The following CEP170B variants were observed in gnomAD, a reference collection of about 807,000 sequenced individuals.
The protein encoded by CEP170B is centrosomal protein of 170 kDa protein B.
CEP170B carries 55 observed loss-of-function variants against 120.6 expected under a neutral mutation model. The ratio of observed to expected loss-of-function variants is 0.46; its 90% confidence interval spans 0.37 to 0.57. The LOEUF is 0.57. Ranked by LOEUF, CEP170B falls within the 20% of genes least tolerant of loss-of-function variation. The pLI is 0.00. For missense variants in CEP170B, 2,212 were observed against 2,253.3 expected, an observed-to-expected ratio of 0.98 and a Z score of 0.37; for synonymous variants, 1,033 against 954.5, an observed-to-expected ratio of 1.08 and a Z score of -1.52.
At position 104,887,050 on chromosome 14, in the gene CEP170B, T is replaced by TGAGGGGGGCAGCACCCCGAGGCCGCCG. The variant is rs1896560297; in HGVS notation, c.2816_2842dup (p.Gly939_Glu947dup). Reference sequence around the variant, plus strand: ...TCTCTAATTCTGTGGATGCCGAGTGTGAGGGGGGCAGCACCCCGAGGCCGC... The same window carrying TGAGGGGGGCAGCACCCCGAGGCCGCCG: ...TCTCTAATTCTGTGGATGCCGAGTGTGAGGGGGGCAGCACCCCGAGGCCGCCGGAGGGGGGCAGCACCCCGAGGCCGC... On this transcript the variant is annotated inframe_insertion, in exon 12 of 19. Coordinates refer to ENST00000414716, the MANE Select transcript of CEP170B (RefSeq NM_001112726.3). 4 of 1,611,270 alleles carry TGAGGGGGGCAGCACCCCGAGGCCGCCG rather than the reference T, an allele frequency of 2.5e-6. No individual in the cohort carries two copies. The African/African-American group carries it at 5.3e-5, about 22-fold the overall frequency.
chr14:104,873,603 G>C (rs572614198), intron 2 of CEP170B, among the ~76,000 whole-genome samples: 2 of 152,058 alleles, frequency 1.3e-5, no homozygotes, highest in Non-Finnish European at 2.9e-5. Flanking sequence ...GGACCTGGAA[G>C]GTGTGCAGAG....
chr14:104,892,019 G>A (rs987358793), intron 13 of CEP170B, among the ~76,000 whole-genome samples: 6 of 152,160 alleles, frequency 3.9e-5, no homozygotes, highest in South Asian at 2.1e-4. Flanking sequence ...TGCCGCTGGA[G>A]GTAGGGGTAG....
rs1044321517 is a variant in CEP170B, at chr14:104,867,116, T to A, written c.-27-1308T>A. Among the ~76,000 whole-genome samples, 2 of 152,206 alleles carry A rather than the reference T, an allele frequency of 1.3e-5. No homozygotes were observed. The highest frequency in any genetic ancestry group is 4.8e-5 in the African/African-American group (2 of 41,446). ...ATAAGGGTACCGCGTTTTCTTTTTGTGCTGGGCCCTGCAGTGATGGAGCCA... is the reference window on the plus strand; with the variant it reads ...ATAAGGGTACCGCGTTTTCTTTTTGAGCTGGGCCCTGCAGTGATGGAGCCA... On this transcript the variant is annotated intron_variant, in intron 1 of 18. Transcript: ENST00000414716. The surrounding 1 kb of genome is among the most constrained non-coding windows in gnomAD (Gnocchi z 5.4).
At chr14:104,890,421 A>ATGGATGG (rs1369235119) in intron 13 of CEP170B, among the ~76,000 whole-genome samples, 10 of 57,848 alleles carry the variant, frequency 1.7e-4, no homozygotes, top group African/African-American at 9.0e-4. Context: ...TGGATGGATG[A>ATGGATGG]ATGGATGAGT....
chr14:104,888,673 G>T (rs1181032541), intron 12 of CEP170B, among the ~76,000 whole-genome samples: 2 of 152,266 alleles, frequency 1.3e-5, no homozygotes, highest in Non-Finnish European at 2.9e-5. Context: ...CGAGTGGATT[G>T]GTTTGAGGTC....
intron 13 of CEP170B, 25 bp from the exon 14 acceptor site, chr14:104,892,951 C>G (rs776146233): frequency 1.9e-6 from 3 of 1,552,604 alleles, no homozygotes; most frequent in Admixed American, 3.9e-5. Context: ...TGTGCAGAAC[C>G]TGCCGTCTTT....
chr14:104,892,143 C>G (rs1896879461), intron 13 of CEP170B, among the ~76,000 whole-genome samples: 1 of 152,040 alleles, frequency 6.6e-6, no homozygotes, highest in Non-Finnish European at 1.5e-5. Context: ...GACAGGGAGC[C>G]TAGGTCCCCA....
chr14:104,865,120 A>G (rs8008126), upstream of CEP170B, among the ~76,000 whole-genome samples: 85,863 of 147,672 alleles, frequency 0.58, 25,637 homozygotes, highest in Middle Eastern at 0.8. The surrounding 1 kb of genome is among the most constrained non-coding windows in gnomAD (Gnocchi z 6.7). Flanking sequence ...GCGCGGGGCT[A>G]CCGGGGCGGG....
Position 104,894,842 on chromosome 14 carries a change from G to A in CEP170B, c.4549G>A (p.Ala1517Thr), listed in dbSNP as rs1199581717. The change falls in exon 19 of 19, where the codon GCC becomes ACC. Residue 1517 changes from alanine (A) to threonine (T), a missense_variant. Physicochemically the swap from Ala to Thr is moderately conservative, Grantham distance 58 (BLOSUM62 0). Around this residue, in one of 2 missense-constraint regions of CEP170B, gnomAD observed 2,166 missense variants for 2,166.7 expected, o/e 1.00. Transcript: ENST00000414716. ...AAQSPPSPAS[A>T]EALLPALPLR... Reference sequence around the variant, plus strand: ...CCAGAGCCCACCCTCACCCGCCTCAGCCGAGGCCCTGCTGCCAGCCCTGCC... The same window carrying A: ...CCAGAGCCCACCCTCACCCGCCTCAACCGAGGCCCTGCTGCCAGCCCTGCC... The A allele has an allele frequency of 2.5e-6, 4 of 1,609,830 alleles. No individual in the cohort carries two copies. The South Asian group carries it at 3.3e-5, about 13-fold the overall frequency.
rs9788592 is a variant in CEP170B at position 104,884,143 on chromosome 14, G to A, written c.1364G>A (p.Gly455Glu). Residue 455 changes from glycine to glutamate, a missense_variant, in exon 9 of 19, where the codon GGG (glycine) becomes GAG (glutamate). Physicochemically the swap from Gly to Glu is moderately conservative, Grantham distance 98 (BLOSUM62 -2). This residue lies in a region of CEP170B where 2,166 missense variants were observed against 2,166.7 expected (regional missense o/e 1.00). Coordinates refer to ENST00000414716, the MANE Select transcript of CEP170B (RefSeq NM_001112726.3). ...AGTGTCCCAGCCCCAGTCCAGGCAG[G>A]GGGCCGCAGCTCGGGGCCACAGAGG... ...RPSVPAPVQA[G>E]GRSSGPQRAG... is the part of the protein sequence containing the mutation. 3.8e-5 allele frequency: 60 copies of A among 1,558,780 alleles called. No homozygotes were observed. The East Asian group carries it at 1.3e-3, about 35-fold the overall frequency.
At position 104,891,048 on chromosome 14, in the gene CEP170B, T is replaced by G. The variant is rs1342746149; in HGVS notation, c.3878+1290T>G. Among the ~76,000 whole-genome samples, 1 of 128,120 alleles carries G rather than the reference T, an allele frequency of 7.8e-6. No homozygotes were observed. The highest frequency in any genetic ancestry group is 7.9e-5 in the Admixed American group (1 of 12,670). The allele number at this position is 128,120 out of a possible 152,430, so 84.1% of individuals were successfully genotyped here. A position where few individuals can be genotyped will look rare whatever the true frequency, so the allele number is the denominator to read the frequency against. ...GTGGATGGATGGATGGATGGATGGATGAGTGGGTGGGTGGATGGATGGATG... is the reference window on the plus strand; with the variant it reads ...GTGGATGGATGGATGGATGGATGGAGGAGTGGGTGGGTGGATGGATGGATG... On this transcript the variant is annotated intron_variant, in intron 13 of 18. Transcript: ENST00000414716. This position sits in a 1 kb window ranked among gnomAD's most constrained non-coding sequence, Gnocchi z 4.3.
Position 104,895,098 on chromosome 14 carries a change from A to C in CEP170B, c.*140A>C. 3.1e-6 allele frequency: 3 copies of C among 965,586 alleles called. No homozygotes were observed. The highest frequency in any genetic ancestry group is 4.4e-6 in the Non-Finnish European group (3 of 679,908). 59.8% of individuals were successfully genotyped at this position (965,586 alleles called of 1,614,324 possible). ...ATATCCCTGTGGGCGGGTGCCTCCC[A>C]CGCCCTTGCCCCCTCGTCAGCTCCC... On this transcript the variant is annotated 3_prime_UTR_variant, in exon 19 of 19. Coordinates refer to ENST00000414716, the MANE Select transcript of CEP170B (RefSeq NM_001112726.3).
In CEP170B at chr14:104,894,270, C is replaced by T; in HGVS notation, c.4272-15C>T. ...TCCTTGTCCCCCCATTTCTGCCTCC[C>T]CCTACCTCGGACAGGATCCTCTTTC... On this transcript the variant is annotated splice_polypyrimidine_tract_variant and intron_variant, in intron 16 of 18. Transcript: ENST00000414716. The T allele has an allele frequency of 3.7e-6, 6 of 1,600,752 alleles. No individual in the cohort carries two copies. The highest frequency in any genetic ancestry group is 3.3e-5 in the South Asian group (3 of 90,846).
chr14:104,874,526 C>T (rs1329040612), intron 2 of CEP170B, among the ~76,000 whole-genome samples: 4 of 152,110 alleles, frequency 2.6e-5, no homozygotes, highest in Non-Finnish European at 5.9e-5. Context: ...TGTGTCTGGG[C>T]AGGCAGCTCA....
rs750026989 is a variant in CEP170B, at chr14:104,887,440, C to G, written c.3201C>G (p.Thr1067=). ...SSDVMASNHE[T]PEATGAGRLG... ...ATGTGATGGCCTCCAACCACGAAACCCCTGAGGCCACCGGGGCAGGACGGC... is the reference window on the plus strand; with the variant it reads ...ATGTGATGGCCTCCAACCACGAAACGCCTGAGGCCACCGGGGCAGGACGGC... The change falls in exon 12 of 19, where the codon ACC becomes ACG. Residue 1067 remains threonine, a synonymous_variant. Transcript: ENST00000414716. 34 of 1,611,438 alleles carry G rather than the reference C, an allele frequency of 2.1e-5. No individual in the cohort carries two copies. Among genetic ancestry groups the G allele is most frequent in the Non-Finnish European group, 2.9e-5 (34 of 1,179,362 alleles).
intron 2 of CEP170B, among the ~76,000 whole-genome samples, chr14:104,871,002 C>T (rs1895452408): frequency 6.6e-6 from 1 of 152,068 alleles, no homozygotes; most frequent in Non-Finnish European, 1.5e-5. Flanking sequence ...CTTCTCACCC[C>T]CACCCTACAG....
intron 9 of CEP170B, 93 bp downstream of exon 9, chr14:104,884,642 G>C (rs1371447470): frequency 6.7e-6 from 8 of 1,187,734 alleles, no homozygotes; most frequent in East Asian, 2.7e-5. Flanking sequence ...TGGGGAACGG[G>C]GGGTGGAGGC....
rs892181973 is a variant in CEP170B at position 104,884,501 on chromosome 14, C to T, written c.1722C>T (p.Thr574=). The T allele has an allele frequency of 1.7e-5, 27 of 1,565,000 alleles. No homozygotes were observed. Among genetic ancestry groups the T allele is most frequent in the East Asian group, 4.7e-5 (2 of 42,696 alleles). Residue 574 remains threonine (T), a synonymous_variant, in exon 9 of 19, where the codon ACC becomes ACT. Transcript: ENST00000414716. ...LSDAGTYTIE[T]EAQDTEVEEA... Reference sequence around the variant, plus strand: ...ACGCAGGGACATACACCATCGAGACCGAGGCGCAGGACACGGAGGTGGAGG... The same window carrying T: ...ACGCAGGGACATACACCATCGAGACTGAGGCGCAGGACACGGAGGTGGAGG...
rs61752555 is a variant in CEP170B, at chr14:104,883,164, C to T, written c.707C>T (p.Pro236Leu). The T allele has an allele frequency of 1.6e-3, 2,638 of 1,608,606 alleles. 40 individuals carry two copies. The African/African-American group carries it at 0.032, about 19-fold the overall frequency. The change falls in exon 8 of 19, where the codon CCG (proline) becomes CTG (leucine). Residue 236 changes from proline to leucine, a missense_variant. Physicochemically the swap from Pro to Leu is moderately conservative, Grantham distance 98. Around this residue, in one of 2 missense-constraint regions of CEP170B, gnomAD observed 2,166 missense variants for 2,166.7 expected, o/e 1.00. Coordinates refer to ENST00000414716, the MANE Select transcript of CEP170B (RefSeq NM_001112726.3). ...FEIPTKETPQ[P>L]SQPPEVPAHE... ...ATCCCCACGAAGGAGACCCCGCAGC[C>T]GTCGCAGCCCCCCGAGGTGCCGGCA...
Sources: gnomAD v4.1 joint callset for allele counts (sites outside exome capture counted in the v4.1 genomes callset) on GRCh38, gnomAD v4.1.1 for gene constraint, gnomAD v4.1.1 regional missense constraint, Gnocchi (gnomAD v3.1) non-coding constraint, MANE v1.5 for transcripts, NCBI Gene and HGNC (gene_info 2026-07-23, HGNC 2026-07-21) for gene names.